The following WFS1 variants were observed in gnomAD, a reference collection of about 807,000 sequenced individuals.
WFS1 encodes wolframin.
In WFS1, 90 loss-of-function variants were observed where a neutral mutation model predicts 68.5. The observed-to-expected ratio is 1.31, with a 90% CI of 1.11 to 1.56. The LOEUF is 1.56. WFS1 is among the 40% of genes most tolerant of loss of function. The pLI is 0.00. For missense variants in WFS1, 1,767 were observed against 1,232.6 expected (o/e 1.43, Z -6.49); for synonymous variants, 860 against 540.7 (o/e 1.59, Z -8.19).
rs202082612 is a variant in WFS1 at position 6,302,149 on chromosome 4, G to T, written c.2354G>T (p.Ser785Ile). 1.9e-6 allele frequency: 3 copies of T among 1,612,880 alleles called. No individual in the cohort carries two copies. The highest frequency in any genetic ancestry group is 2.2e-5 in the East Asian group (1 of 44,886). ...FEITVGMPFS[S>I]GADGSRSREE... Reference sequence around the variant, plus strand: ...ATTACCGTGGGCATGCCATTCAGCAGCGGCGCTGACGGCTCGCGCAGCCGC... The same window carrying T: ...ATTACCGTGGGCATGCCATTCAGCATCGGCGCTGACGGCTCGCGCAGCCGC... The change falls in exon 8 of 8, where the codon AGC (serine) becomes ATC (isoleucine). Residue 785 changes from serine (S) to isoleucine (I), a missense_variant. Transcript: ENST00000226760.
Position 6,287,019 on chromosome 4 carries a change from C to T in WFS1, c.233-74C>T. On this transcript the variant is annotated intron_variant, in intron 2 of 7. Coordinates refer to ENST00000226760, the MANE Select transcript of WFS1 (RefSeq NM_006005.3). The surrounding 1 kb of genome is among the most constrained non-coding windows in gnomAD (Gnocchi z 6.4). ...AGCAGCAGATCTGAAGACCCTCATG[C>T]CTTGTCCCCTCCATCCTGACAAGTG... The T allele has an allele frequency of 1.5e-6, 2 of 1,337,492 alleles. No homozygotes were observed. Among genetic ancestry groups the T allele is most frequent in the Non-Finnish European group, 2.1e-6 (2 of 952,362 alleles). The allele number at this position is 1,337,492 out of a possible 1,614,324, so 82.9% of individuals were successfully genotyped here. A position where few individuals can be genotyped will look rare whatever the true frequency, so the allele number is the denominator to read the frequency against.
chr4:6,273,231 T>C (rs531449870), intron 1 of WFS1, among the ~76,000 whole-genome samples: 15 of 152,360 alleles, frequency 9.8e-5, no homozygotes, highest in African/African-American at 3.6e-4. Context: ...GGATGCATGG[T>C]GCCTGCAGCC....
intron 7 of WFS1, among the ~76,000 whole-genome samples, chr4:6,295,453 C>T (rs1260314999): frequency 1.3e-5 from 2 of 152,116 alleles, no homozygotes; most frequent in Non-Finnish European, 2.9e-5. Context: ...AGCAAGGGGC[C>T]CCTGGGTCTT....
In WFS1 at chr4:6,300,858, A is replaced by T; in HGVS notation, c.1063A>T (p.Ile355Phe). 6.2e-7 allele frequency: 1 copy of T among 1,613,996 alleles called. No individual in the cohort carries two copies. Among genetic ancestry groups the T allele is most frequent in the South Asian group, 1.1e-5 (1 of 91,056 alleles). Reference sequence around the variant, plus strand: ...GCTGGTCATCTTCTACCTGTCCTTCATCTCCATGGTGATCTGCACCCTCAA... The same window carrying T: ...GCTGGTCATCTTCTACCTGTCCTTCTTCTCCATGGTGATCTGCACCCTCAA... ...IPLVIFYLSF[I>F]SMVICTLKVF... The change falls in exon 8 of 8, where the codon ATC becomes TTC. Residue 355 changes from isoleucine to phenylalanine, a missense_variant. By Grantham distance (21) the Ile-to-Phe change is conservative. Coordinates refer to ENST00000226760, the MANE Select transcript of WFS1 (RefSeq NM_006005.3).
rs1039113869 is a variant in WFS1 at position 6,294,889 on chromosome 4, A to G, written c.713-152A>G. On this transcript the variant is annotated intron_variant, in intron 6 of 7. Transcript: ENST00000226760. ...TCACCCAGCCTGGTCCTCAACCCTCAGGCCGCCCAGGGAAGGGTTTCCTCC... is the reference window on the plus strand; with the variant it reads ...TCACCCAGCCTGGTCCTCAACCCTCGGGCCGCCCAGGGAAGGGTTTCCTCC... 4 of 1,321,634 alleles carry G rather than the reference A, an allele frequency of 3.0e-6. No homozygotes were observed. In the African/African-American group the frequency reaches 5.8e-5, roughly 19 times the overall value. 81.9% of individuals were successfully genotyped at this position (1,321,634 alleles called of 1,614,324 possible). A position where few individuals can be genotyped will look rare whatever the true frequency, so the allele number is the denominator to read the frequency against.
intron 1 of WFS1, among the ~76,000 whole-genome samples, chr4:6,274,564 T>C (rs565591440): frequency 6.6e-6 from 1 of 152,206 alleles, no homozygotes; most frequent in African/African-American, 2.4e-5. Context: ...GGAGAGGTGA[T>C]CGCCTGAGTG....
Position 6,301,022 on chromosome 4 carries a change from GC to G in WFS1, c.1228del (p.Leu410SerfsTer32). 1 of 1,614,148 alleles carries G rather than the reference GC, an allele frequency of 6.2e-7. No individual in the cohort carries two copies. The highest frequency in any genetic ancestry group is 2.2e-5 in the East Asian group (1 of 44,860). ...NHLEPYAHFL[L>X]SVFFVIFSFP... Reference sequence around the variant, plus strand: ...ACCTGGAGCCCTATGCCCATTTCCTGCTCTCTGTCTTCTTCGTCATCTTCTC... The same window carrying G: ...ACCTGGAGCCCTATGCCCATTTCCTGTCTCTGTCTTCTTCGTCATCTTCTC... On this transcript the variant is annotated frameshift_variant, in exon 8 of 8. Transcript: ENST00000226760. LOFTEE classifies it high-confidence loss of function.
At chr4:6,298,612 C>T (rs751367152) in intron 7 of WFS1, among the ~76,000 whole-genome samples, 1 of 152,062 alleles carries the variant, frequency 6.6e-6, no homozygotes, top group African/African-American at 2.4e-5. Context: ...TGAGCCTGTC[C>T]TTCTCATCTG....
intron 2 of WFS1, among the ~76,000 whole-genome samples, chr4:6,282,920 C>A (rs1237557487): frequency 6.6e-6 from 1 of 152,218 alleles, no homozygotes; most frequent in Non-Finnish European, 1.5e-5. Context: ...GCAGTGGCTT[C>A]CTCCTGGAAT....
chr4:6,276,790 TG>T (rs1730007911), intron 1 of WFS1, among the ~76,000 whole-genome samples: 1 of 152,236 alleles, frequency 6.6e-6, no homozygotes, highest in African/African-American at 2.4e-5. Flanking sequence ...AGTCAAGGTG[TG>T]GGCAGGGTGG....
At chr4:6,280,458 AG>A (rs775279467) in intron 2 of WFS1, among the ~76,000 whole-genome samples, 1 of 152,200 alleles carries the variant, frequency 6.6e-6, no homozygotes, top group Non-Finnish European at 1.5e-5. Flanking sequence ...GTGACCCAGC[AG>A]GCACAGAGAG....
intron 6 of WFS1, chr4:6,294,746 A>C (rs1730576486): frequency 2.3e-6 from 1 of 434,330 alleles, no homozygotes; most frequent in Non-Finnish European, 4.3e-6. Flanking sequence ...GGTGTGGGTG[A>C]GTGGCCCCAG....
chr4:6,276,662 A>T (rs1463863003), intron 1 of WFS1, among the ~76,000 whole-genome samples: 1 of 152,022 alleles, frequency 6.6e-6, no homozygotes, highest in East Asian at 1.9e-4. Context: ...ATATTTACTT[A>T]ACTTTACTCA....
At chr4:6,272,337 A>G (rs1460466989) in intron 1 of WFS1, among the ~76,000 whole-genome samples, 1 of 152,162 alleles carries the variant, frequency 6.6e-6, no homozygotes, top group Non-Finnish European at 1.5e-5. Flanking sequence ...GGGCTTGGCC[A>G]CTATGGCCGT....
intron 2 of WFS1, among the ~76,000 whole-genome samples, chr4:6,278,784 A>C (rs945563866): frequency 6.6e-6 from 1 of 152,184 alleles, no homozygotes; most frequent in Non-Finnish European, 1.5e-5. Context: ...TTAAAAGATC[A>C]CTGTGCTCCT....
chr4:6,301,449 A>T lies in WFS1; in HGVS notation c.1654A>T (p.Thr552Ser). The T allele has an allele frequency of 6.2e-7, 1 of 1,612,430 alleles. No homozygotes were observed. The highest frequency in any genetic ancestry group is 1.1e-5 in the South Asian group (1 of 91,084). ...CTCCGTGGTCATCCTGCTGGAGTCC[A>T]CCGGCCTGGGGCTGCTCCGCGCCTC... ...ELSVVILLES[T>S]GLGLLRASIG... Residue 552 changes from threonine (T) to serine (S), a missense_variant, in exon 8 of 8, where the codon ACC becomes TCC. Coordinates refer to ENST00000226760, the MANE Select transcript of WFS1 (RefSeq NM_006005.3).
At chr4:6,300,550 G>A (rs1730840861) in intron 7 of WFS1, 107 bp from the exon 8 acceptor site, 1 of 1,529,806 alleles carries the variant, frequency 6.5e-7, no homozygotes, top group Non-Finnish European at 8.9e-7. Flanking sequence ...AAAACGCAAG[G>A]GTGCGGGTTC....
At chr4:6,295,456 T>G (rs552391051) in intron 7 of WFS1, among the ~76,000 whole-genome samples, 41 of 152,152 alleles carry the variant, frequency 2.7e-4, no homozygotes, top group African/African-American at 8.7e-4. Flanking sequence ...AAGGGGCCCC[T>G]GGGTCTTTCT....
chr4:6,297,631 G>A (rs1464128148), intron 7 of WFS1, among the ~76,000 whole-genome samples: 1 of 152,126 alleles, frequency 6.6e-6, no homozygotes, highest in Non-Finnish European at 1.5e-5. Context: ...CTGGGCCATC[G>A]GTGTGGTGAC....
Sources: allele counts gnomAD v4.1 joint callset (sites outside exome capture counted in the v4.1 genomes callset), GRCh38; gene constraint gnomAD v4.1.1; non-coding constraint Gnocchi (gnomAD v3.1); transcripts MANE v1.5; gene names NCBI Gene and HGNC (gene_info 2026-07-23, HGNC 2026-07-21).